Variants in WASF2 observed in about 807,000 individuals in gnomAD.
WASF2 encodes actin-binding protein WASF2.
In WASF2, 14 loss-of-function variants were observed where a neutral mutation model predicts 45.0. The observed-to-expected ratio is 0.31, with a 90% confidence interval of 0.21 to 0.49. The LOEUF (loss-of-function observed/expected upper bound fraction) is 0.49, where lower values mean the gene tolerates loss of function less well. Among genes scored for constraint, WASF2 ranks in the 20% least tolerant of loss-of-function variants. The pLI, the probability that WASF2 is intolerant of heterozygous loss-of-function variation, is 0.99. For missense variants in WASF2, 439 were observed against 636.1 expected, an observed-to-expected ratio of 0.69 and a Z score of 3.33; for synonymous variants, 200 against 236.3, an observed-to-expected ratio of 0.85 and a Z score of 1.41.
rs560098849 is a variant in WASF2, at chr1:27,479,334, T to C, written c.-44+10652A>G. On this transcript the variant is annotated intron_variant, in intron 1 of 8. Transcript: ENST00000618852. ...GGCTTGGTGGCTTACACCTGTAATC[T>C]TGGCAGCACCTTCGAGGCTAAGGTG... 9.7e-4 allele frequency among the ~76,000 whole-genome samples: 147 copies of C among 151,856 alleles called. No homozygotes were observed. The East Asian group carries it at 0.027, about 28-fold the overall frequency.
Position 27,471,092 on chromosome 1 carries a change from C to T in WASF2, c.-44+18894G>A, listed in dbSNP as rs962922986. 3.3e-4 allele frequency among the ~76,000 whole-genome samples: 50 copies of T among 152,266 alleles called. 2 individuals are homozygous for T. The Middle Eastern group carries it at 0.01, about 31-fold the overall frequency. ...GGGCGCGGTGGCTCACGCCTGTAAT[C>T]CCAGCACTTTGGGAGGCCGAGGCGG... On this transcript the variant is annotated intron_variant, in intron 1 of 8. Transcript: ENST00000618852.
intron 1 of WASF2, among the ~76,000 whole-genome samples, chr1:27,455,745 A>G (rs1343363655): frequency 2.6e-5 from 4 of 152,136 alleles, no homozygotes; most frequent in African/African-American, 9.7e-5. Context: ...TTCCCGGCCC[A>G]GTTCAAGTGT....
intron 1 of WASF2, among the ~76,000 whole-genome samples, chr1:27,485,225 G>A (rs1378635402): frequency 6.6e-6 from 1 of 151,882 alleles, no homozygotes; most frequent in Non-Finnish European, 1.5e-5. Context: ...TATGCAAAAA[G>A]TACAATTCTC....
intron 1 of WASF2, among the ~76,000 whole-genome samples, chr1:27,481,834 G>A (rs2017854397): frequency 6.6e-6 from 1 of 152,216 alleles, no homozygotes; most frequent in African/African-American, 2.4e-5. Flanking sequence ...GAAAAACAGA[G>A]CTTGAAAAGA....
intron 1 of WASF2, among the ~76,000 whole-genome samples, chr1:27,479,157 G>T (rs1376304238): frequency 6.6e-6 from 1 of 151,808 alleles, no homozygotes; most frequent in Non-Finnish European, 1.5e-5. Flanking sequence ...GTGGTGGCAG[G>T]CACCTGTAAT....
chr1:27,472,674 A>AG (rs745895106), intron 1 of WASF2, among the ~76,000 whole-genome samples: 2 of 116,986 alleles, frequency 1.7e-5, no homozygotes, highest in South Asian at 6.3e-4. Context: ...AAAAAAAAAA[A>AG]GGGGAAATCA....
chr1:27,464,618 G>A (rs548299536), intron 1 of WASF2, among the ~76,000 whole-genome samples: 1 of 152,336 alleles, frequency 6.6e-6, no homozygotes, highest in South Asian at 2.1e-4. Context: ...GGTCCTCTGT[G>A]TGTCAATATA....
chr1:27,446,044 T>G (rs1038603522), intron 1 of WASF2, among the ~76,000 whole-genome samples: 2 of 152,098 alleles, frequency 1.3e-5, no homozygotes, highest in Non-Finnish European at 2.9e-5. Context: ...TTTCTGCATA[T>G]AGGAAATACT....
Sources: allele counts gnomAD v4.1 joint callset (sites outside exome capture counted in the v4.1 genomes callset), GRCh38; gene constraint gnomAD v4.1.1; transcripts MANE v1.5; gene names NCBI Gene and HGNC (gene_info 2026-07-23, HGNC 2026-07-21).